The following RERE variants were observed in gnomAD, a reference collection of about 807,000 sequenced individuals.
The protein encoded by RERE is arginine-glutamic acid dipeptide repeats protein.
RERE carries 40 observed loss-of-function variants against 146.1 expected under a neutral mutation model. The observed-to-expected ratio is 0.27, with a 90% confidence interval of 0.21 to 0.36. RERE has a LOEUF of 0.36. RERE is among the 10% of genes least tolerant of loss of function. RERE has a pLI of 1.00. For missense variants in RERE, 1,933 were observed against 2,138.7 expected (o/e 0.90, Z 1.90); for synonymous variants, 1,003 against 866.0 (o/e 1.16, Z -2.78).
At chr1:8,517,653 T>C (rs1173156266) in intron 7 of RERE, among the ~76,000 whole-genome samples, 1 of 152,230 alleles carries the variant, frequency 6.6e-6, no homozygotes, top group African/African-American at 2.4e-5. Context: ...TGGTAAGTTG[T>C]TGTTTTTATT....
chr1:8,750,297 A>G, intron 1 of RERE: 1 of 557,788 alleles, frequency 1.8e-6, no homozygotes, highest in Admixed American at 3.1e-5. Context: ...ATATCAAGGT[A>G]ACGGAAGATG....
intron 2 of RERE, among the ~76,000 whole-genome samples, chr1:8,635,570 C>T (rs1364119759): frequency 6.6e-6 from 1 of 152,142 alleles, no homozygotes; most frequent in African/African-American, 2.4e-5. Context: ...GAGAGTGTTG[C>T]TTTAGCATGC....
intron 2 of RERE, among the ~76,000 whole-genome samples, chr1:8,636,998 C>T (rs1023391477): frequency 6.6e-6 from 1 of 152,104 alleles, no homozygotes; most frequent in African/African-American, 2.4e-5. Context: ...ATTTAAATTT[C>T]ATCCATTAAA....
chr1:8,364,248 T>C lies in RERE; in HGVS notation c.1548A>G (p.Lys516=), dbSNP rs182683800. The C allele has an allele frequency of 5.6e-5, 91 of 1,613,942 alleles. 1 individual carries two copies. In the Admixed American group the frequency reaches 6.0e-4, roughly 11 times the overall value. Residue 516 remains lysine, a synonymous_variant, in exon 15 of 23, where the codon AAA becomes AAG. Transcript: ENST00000400908. This position sits in a 1 kb window ranked among gnomAD's most constrained non-coding sequence, Gnocchi z 5.1. ...TCTCCCGGCCTCCGTGGTGCCAATC[T>C]TTGGAGGCTGTGTGAGGGAAGTGGT... The part of the protein sequence containing the change: ...ACRHCFTTTS[K]DWHHGGRENI...
Position 8,516,531 on chromosome 1 carries a change from A to G in RERE, c.831-7856T>C, listed in dbSNP as rs141656340. On this transcript the variant is annotated intron_variant, in intron 7 of 22. Transcript: ENST00000400908. ...CAGGCGACCCTGTAAGATAGGTGCT[A>G]TTGTAGTAAGTGTACAGGTCAGGTC... Among the ~76,000 whole-genome samples, 19 of 152,262 alleles carry G rather than the reference A, an allele frequency of 1.2e-4. No homozygotes were observed. The East Asian group carries it at 3.7e-3, about 29-fold the overall frequency.
At chr1:8,366,893 T>A (rs1234423354) in intron 12 of RERE, among the ~76,000 whole-genome samples, 2 of 121,176 alleles carry the variant, frequency 1.7e-5, no homozygotes, top group Non-Finnish European at 3.3e-5. Context: ...AAAGTCTCTT[T>A]ACCTAGAACT....
In RERE at chr1:8,791,768, C is replaced by T. The variant is rs541000510; in HGVS notation, c.-145+25392G>A. Reference sequence around the variant, plus strand: ...CTCCTGGACACCCACAGGAATCATACGAGAAGAGGGAGAGGCAGTAGACAT... The same window carrying T: ...CTCCTGGACACCCACAGGAATCATATGAGAAGAGGGAGAGGCAGTAGACAT... On this transcript the variant is annotated intron_variant, in intron 1 of 22. Coordinates refer to ENST00000400908, the MANE Select transcript of RERE (RefSeq NM_001042681.2). Among the ~76,000 whole-genome samples, 7 of 152,236 alleles carry T rather than the reference C, an allele frequency of 4.6e-5. No individual in the cohort carries two copies. The East Asian group carries it at 5.8e-4, about 13-fold the overall frequency.
At chr1:8,395,623 G>T (rs1643029452) in intron 12 of RERE, among the ~76,000 whole-genome samples, 1 of 152,118 alleles carries the variant, frequency 6.6e-6, no homozygotes, top group Non-Finnish European at 1.5e-5. Flanking sequence ...GACCTAGAAG[G>T]GCAACTGTGA....
chr1:8,682,415 T>C (rs892976668), intron 1 of RERE, among the ~76,000 whole-genome samples: 6 of 152,198 alleles, frequency 3.9e-5, no homozygotes, highest in African/African-American at 1.4e-4. Context: ...ACTATGAAAA[T>C]ATTATGTGGC....
rs35714721 is a variant in RERE, at chr1:8,566,792, A to ATT, written c.523-9271_523-9270dup. ...GGATCTGCTCACAACTGGAATAGTA[A>ATT]TTTTTTTTTTTTTTTTGAGACGGAG... On this transcript the variant is annotated intron_variant, in intron 4 of 22. Coordinates refer to ENST00000400908, the MANE Select transcript of RERE (RefSeq NM_001042681.2). Among the ~76,000 whole-genome samples, 411 of 137,726 alleles carry ATT rather than the reference A, an allele frequency of 3.0e-3. 3 individuals carry two copies. The highest frequency in any genetic ancestry group is 0.01 in the African/African-American group (390 of 37,634). 90.4% of individuals were successfully genotyped at this position (137,726 alleles called of 152,430 possible).
chr1:8,720,342 G>A (rs1639838902), intron 1 of RERE, among the ~76,000 whole-genome samples: 2 of 151,232 alleles, frequency 1.3e-5, no homozygotes, highest in African/African-American at 4.9e-5. Context: ...CTGACCTCAA[G>A]GGGTTTACAT....
chr1:8,815,814 G>A (rs965596189), intron 1 of RERE, among the ~76,000 whole-genome samples: 1 of 149,806 alleles, frequency 6.7e-6, no homozygotes, highest in Non-Finnish European at 1.5e-5. Flanking sequence ...AGAACAATGA[G>A]CCCTCAGCTT....
At chr1:8,511,517 G>C (rs555442450) in intron 7 of RERE, among the ~76,000 whole-genome samples, 89 of 152,206 alleles carry the variant, frequency 5.8e-4, no homozygotes, top group Non-Finnish European at 1.2e-3. Flanking sequence ...AAGAGTTACA[G>C]AATATAGAAT....
At chr1:8,655,246 G>A (rs2124330427) in intron 2 of RERE, among the ~76,000 whole-genome samples, 1 of 150,856 alleles carries the variant, frequency 6.6e-6, no homozygotes, top group East Asian at 2.0e-4. Context: ...TCGCTCTGTT[G>A]CCCAGGCTGG....
At chr1:8,475,874 A>T (rs1446175535) in intron 10 of RERE, among the ~76,000 whole-genome samples, 1 of 152,226 alleles carries the variant, frequency 6.6e-6, no homozygotes, top group Non-Finnish European at 1.5e-5. Flanking sequence ...TATCATTTCA[A>T]ATAATGCTAT....
chr1:8,582,386 T>A (rs117100047), intron 4 of RERE, among the ~76,000 whole-genome samples: 2 of 151,674 alleles, frequency 1.3e-5, no homozygotes. Flanking sequence ...TTTTTTTTTT[T>A]TCTCTCTCTT....
Position 8,356,344 on chromosome 1 carries a change from A to G in RERE, c.4340-98T>C. ...ACCGATGACTTCCTCCTCACCCAGGATGGCTCCTGGTCACCAGGGCTGGAT... is the reference window on the plus strand; with the variant it reads ...ACCGATGACTTCCTCCTCACCCAGGGTGGCTCCTGGTCACCAGGGCTGGAT... On this transcript the variant is annotated intron_variant, in intron 20 of 22. Transcript: ENST00000400908. The surrounding 1 kb of genome is among the most constrained non-coding windows in gnomAD (Gnocchi z 5.2). 1 of 1,326,624 alleles carries G rather than the reference A, an allele frequency of 7.5e-7. No individual in the cohort carries two copies. The highest frequency in any genetic ancestry group is 9.8e-7 in the Non-Finnish European group (1 of 1,023,210). 82.2% of individuals were successfully genotyped at this position (1,326,624 alleles called of 1,614,324 possible). A position where few individuals can be genotyped will look rare whatever the true frequency, so the allele number is the denominator to read the frequency against.
At chr1:8,665,175 C>A (rs1222519794) in intron 1 of RERE, among the ~76,000 whole-genome samples, 2 of 152,214 alleles carry the variant, frequency 1.3e-5, no homozygotes, top group African/African-American at 2.4e-5. Flanking sequence ...TCCTACCCTT[C>A]CTTCAAGTCA....
intron 12 of RERE, chr1:8,380,999 G>A (rs1194917309): frequency 2.2e-6 from 1 of 456,498 alleles, no homozygotes; most frequent in African/African-American, 2.0e-5. Context: ...TCCTGCCTCT[G>A]ACCCCAGGAT....
Sources: allele counts gnomAD v4.1 joint callset (sites outside exome capture counted in the v4.1 genomes callset), GRCh38; gene constraint gnomAD v4.1.1; non-coding constraint Gnocchi (gnomAD v3.1); transcripts MANE v1.5; gene names NCBI Gene and HGNC (gene_info 2026-07-23, HGNC 2026-07-21).